CALN1: variants seen among roughly 807,000 people sequenced by gnomAD.
The protein encoded by CALN1 is calneuron 1.
A neutral mutation model predicts 30.6 loss-of-function variants in CALN1; 17 were observed. The ratio of observed to expected loss-of-function variants is 0.56; its 90% CI spans 0.38 to 0.83. The LOEUF (loss-of-function observed/expected upper bound fraction) is 0.83. CALN1 is among the 40% of genes least tolerant of loss of function. The pLI is 0.00. For synonymous variants in CALN1, 156 were observed against 131.4 expected (o/e 1.19, Z -1.28); for missense variants, 291 against 354.9 (o/e 0.82, Z 1.45).
chr7:71,870,459 A>AT (rs1791858104), intron 5 of CALN1, among the ~76,000 whole-genome samples: 1 of 152,102 alleles, frequency 6.6e-6, no homozygotes, highest in African/African-American at 2.4e-5. Context: ...TTTGTAAATT[A>AT]TTTTTTATAC....
intron 2 of CALN1, among the ~76,000 whole-genome samples, chr7:72,391,258 A>G (rs1295689993): frequency 6.6e-6 from 1 of 152,222 alleles, no homozygotes; most frequent in African/African-American, 2.4e-5. Flanking sequence ...CAGAGGGCTA[A>G]GATGGTACAA....
intron 2 of CALN1, among the ~76,000 whole-genome samples, chr7:72,311,171 G>A (rs545121834): frequency 6.6e-6 from 1 of 152,086 alleles, no homozygotes; most frequent in South Asian, 2.1e-4. Flanking sequence ...AGACCTCTAT[G>A]ATGACCTACT....
At chr7:72,345,609 G>T (rs1446015993) in intron 2 of CALN1, among the ~76,000 whole-genome samples, 5 of 151,760 alleles carry the variant, frequency 3.3e-5, no homozygotes, top group South Asian at 4.2e-4. Flanking sequence ...AGGGAGGAAG[G>T]AACCAAGCAG....
intron 2 of CALN1, among the ~76,000 whole-genome samples, chr7:72,356,156 T>C (rs1286982851): frequency 6.6e-6 from 1 of 152,148 alleles, no homozygotes; most frequent in Non-Finnish European, 1.5e-5. Context: ...AAGATTGTGG[T>C]TAAAATTTTG....
intron 2 of CALN1, among the ~76,000 whole-genome samples, chr7:72,318,278 A>T (rs542319981): frequency 2.6e-5 from 4 of 152,018 alleles, no homozygotes; most frequent in Middle Eastern, 6.8e-3. Flanking sequence ...GAAGAATTCA[A>T]GGGACTGAAA....
At chr7:72,397,841 T>TA (rs1261790122) in intron 2 of CALN1, among the ~76,000 whole-genome samples, 2 of 151,426 alleles carry the variant, frequency 1.3e-5, no homozygotes, top group East Asian at 3.9e-4. Flanking sequence ...AAAAAAAAAT[T>TA]AAACACCATT....
intron 3 of CALN1, among the ~76,000 whole-genome samples, chr7:72,120,339 A>T (rs1808291851): frequency 6.6e-6 from 1 of 152,068 alleles, no homozygotes; most frequent in Non-Finnish European, 1.5e-5. Flanking sequence ...CACTTAACAC[A>T]CTCAATTTTC....
intron 5 of CALN1, among the ~76,000 whole-genome samples, chr7:71,992,385 G>A (rs184427198): frequency 2.6e-5 from 4 of 152,062 alleles, no homozygotes; most frequent in Admixed American, 2.0e-4. Flanking sequence ...TAGAGAAAGA[G>A]CCTCATTGTT....
At chr7:72,374,665 G>A (rs1047706381) in intron 2 of CALN1, among the ~76,000 whole-genome samples, 3 of 151,690 alleles carry the variant, frequency 2.0e-5, no homozygotes, top group Admixed American at 6.6e-5. Flanking sequence ...TTTAATGAAA[G>A]ATGAATGCTT....
At chr7:72,161,653 T>C (rs555991461) in intron 3 of CALN1, among the ~76,000 whole-genome samples, 26 of 152,212 alleles carry the variant, frequency 1.7e-4, no homozygotes, top group African/African-American at 6.3e-4. Context: ...CTCAACTATT[T>C]TGAGCTAGAA....
intron 2 of CALN1, among the ~76,000 whole-genome samples, chr7:72,303,800 A>G: frequency 6.6e-6 from 1 of 152,162 alleles, no homozygotes; most frequent in Admixed American, 6.5e-5. Flanking sequence ...CCTTGAGCCC[A>G]GGAGATCAAG....
intron 4 of CALN1, among the ~76,000 whole-genome samples, chr7:72,059,511 T>G (rs1803500728): frequency 6.6e-6 from 1 of 152,186 alleles, no homozygotes; most frequent in African/African-American, 2.4e-5. Flanking sequence ...TAAAGGAAAC[T>G]ACTTGGAAAT....
intron 4 of CALN1, among the ~76,000 whole-genome samples, chr7:72,078,750 A>G (rs1387238942): frequency 6.6e-6 from 1 of 152,188 alleles, no homozygotes; most frequent in Non-Finnish European, 1.5e-5. Context: ...AGCCTGGCCA[A>G]CATGGTGAAA....
intron 3 of CALN1, among the ~76,000 whole-genome samples, chr7:72,258,154 A>G (rs949307492): frequency 6.6e-6 from 1 of 152,160 alleles, no homozygotes; most frequent in Non-Finnish European, 1.5e-5. Context: ...GAGCACAGAG[A>G]TATAAAACAT....
intron 4 of CALN1, among the ~76,000 whole-genome samples, chr7:72,096,042 A>AAGAAAGAT (rs373832583): frequency 1.4e-5 from 2 of 143,078 alleles, no homozygotes; most frequent in Admixed American, 1.4e-4. Flanking sequence ...TTGTCTCTAA[A>AAGAAAGAT]AGATAGATAG....
chr7:72,121,630 C>T (rs1808399560), intron 3 of CALN1, among the ~76,000 whole-genome samples: 2 of 148,626 alleles, frequency 1.3e-5, no homozygotes, highest in Admixed American at 1.4e-4. Flanking sequence ...AGTTGGCTTG[C>T]TCTTGTGATT....
intron 5 of CALN1, among the ~76,000 whole-genome samples, chr7:71,952,893 G>A (rs761265670): frequency 6.6e-6 from 1 of 152,104 alleles, no homozygotes; most frequent in Non-Finnish European, 1.5e-5. Flanking sequence ...CCTCTAATAG[G>A]AGAAAGTGCC....
At chr7:72,475,846 T>C in the CALN1 span, among the ~76,000 whole-genome samples, 2 of 151,912 alleles carry the variant, frequency 1.3e-5, no homozygotes, top group African/African-American at 4.8e-5. Context: ...GTCTTTCTTG[T>C]GCTGTTCTCG....
intron 6 of CALN1, among the ~76,000 whole-genome samples, chr7:71,798,307 TTTTATTTA>T (rs55949827): frequency 4.7e-5 from 7 of 150,294 alleles, no homozygotes; most frequent in East Asian, 2.0e-4. Flanking sequence ...CCAAACTATA[TTTTATTTA>T]TTTATTTATT....
Sources: gnomAD v4.1 joint callset for allele counts (sites outside exome capture counted in the v4.1 genomes callset) on GRCh38, gnomAD v4.1.1 for gene constraint, MANE v1.5 for transcripts, NCBI Gene and HGNC (gene_info 2026-07-23, HGNC 2026-07-21) for gene names.